Variants in OSBPL3 observed in about 807,000 individuals in gnomAD.
OSBPL3 encodes oxysterol-binding protein-related protein 3.
OSBPL3 carries 65 observed loss-of-function variants against 120.1 expected under a neutral mutation model. That is an observed-to-expected ratio of 0.54 (90% CI 0.44 to 0.67). The LOEUF is 0.67. Among genes scored for constraint, OSBPL3 ranks in the 30% least tolerant of loss-of-function variants. The pLI is 0.00. For synonymous variants in OSBPL3, 416 were observed against 402.6 expected (o/e 1.03, Z -0.40); for missense variants, 1,004 against 1,082.1 (o/e 0.93, Z 1.01).
At chr7:24,860,562 A>G (rs1278845133) in intron 10 of OSBPL3, among the ~76,000 whole-genome samples, 1 of 152,176 alleles carries the variant, frequency 6.6e-6, no homozygotes, top group Admixed American at 6.5e-5. Flanking sequence ...CATGATTGTG[A>G]GGCCTCCCCA....
At chr7:24,909,601 G>A (rs1808476383) in intron 1 of OSBPL3, among the ~76,000 whole-genome samples, 1 of 151,970 alleles carries the variant, frequency 6.6e-6, no homozygotes, top group Non-Finnish European at 1.5e-5. Flanking sequence ...AATAACATTG[G>A]CCCTAAGAAG....
chr7:24,903,904 A>G (rs1807448488), intron 1 of OSBPL3, among the ~76,000 whole-genome samples: 2 of 144,342 alleles, frequency 1.4e-5, no homozygotes, highest in Non-Finnish European at 1.5e-5. Flanking sequence ...TTTTTTTGAG[A>G]CAGACTCTCA....
rs562435861 is a variant in OSBPL3, at chr7:24,862,825, G to A, written c.870+375C>T. 5.3e-5 allele frequency among the ~76,000 whole-genome samples: 8 copies of A among 152,188 alleles called. No homozygotes were observed. In the South Asian group the frequency reaches 6.2e-4, roughly 12 times the overall value. On this transcript the variant is annotated intron_variant, in intron 9 of 22. Coordinates refer to ENST00000313367, the MANE Select transcript of OSBPL3 (RefSeq NM_015550.4). This position sits in a 1 kb window ranked among gnomAD's most constrained non-coding sequence, Gnocchi z 4.4. Reference sequence around the variant, plus strand: ...GATGACAAATCCATGGAGCATCAGCGGAAGACACAGGTCACAGCACACAGC... The same window carrying A: ...GATGACAAATCCATGGAGCATCAGCAGAAGACACAGGTCACAGCACACAGC...
At chr7:24,944,070 C>A (rs1397515505) in intron 1 of OSBPL3, among the ~76,000 whole-genome samples, 1 of 99,088 alleles carries the variant, frequency 1.0e-5, no homozygotes, top group Non-Finnish European at 2.0e-5. Context: ...ATTTTCCAGT[C>A]TAAAGTAAAA....
chr7:24,915,968 A>C (rs1809502090), intron 1 of OSBPL3, among the ~76,000 whole-genome samples: 1 of 152,224 alleles, frequency 6.6e-6, no homozygotes, highest in Non-Finnish European at 1.5e-5. Flanking sequence ...TACCCAGGGG[A>C]AATTAGAGCT....
chr7:24,900,055 G>A lies in OSBPL3; in HGVS notation c.-149-7434C>T, dbSNP rs1183319334. 1.3e-5 allele frequency among the ~76,000 whole-genome samples: 2 copies of A among 152,150 alleles called. No individual in the cohort carries two copies. Among genetic ancestry groups the A allele is most frequent in the Non-Finnish European group, 2.9e-5 (2 of 68,038 alleles). On this transcript the variant is annotated intron_variant, in intron 1 of 22. Transcript: ENST00000313367. The surrounding 1 kb of genome is among the most constrained non-coding windows in gnomAD (Gnocchi z 4.5). ...GAAGCTAAAACCCTCTTTTATTATC[G>A]TAGTCCTGTGGTTTTTAAAGAGGGG...
In OSBPL3 at chr7:24,947,778, T is replaced by TCACACACACACACA. The variant is rs56135680; in HGVS notation, c.-150+32094_-150+32107dup. On this transcript the variant is annotated intron_variant, in intron 1 of 22. Transcript: ENST00000313367. The surrounding 1 kb of genome is among the most constrained non-coding windows in gnomAD (Gnocchi z 4.4). ...ATGTATACATACATATCCAATTAAA[T>TCACACACACACACA]CACACACACACACACACACACACAC... Among the ~76,000 whole-genome samples, 108 of 148,228 alleles carry TCACACACACACACA rather than the reference T, an allele frequency of 7.3e-4. No individual in the cohort carries two copies. Among genetic ancestry groups the TCACACACACACACA allele is most frequent in the African/African-American group, 2.5e-3 (102 of 40,158 alleles).
In OSBPL3 at chr7:24,937,942, T is replaced by C. The variant is rs1294712969; in HGVS notation, c.-150+41944A>G. On this transcript the variant is annotated intron_variant, in intron 1 of 22. Transcript: ENST00000313367. The surrounding 1 kb of genome is among the most constrained non-coding windows in gnomAD (Gnocchi z 4.0). ...AATCCATGAATTAGGATGTGGACAG[T>C]GAAGGACAGAGAAGAAAACTATGGA... Among the ~76,000 whole-genome samples, 2 of 152,188 alleles carry C rather than the reference T, an allele frequency of 1.3e-5. No individual in the cohort carries two copies. Among genetic ancestry groups the C allele is most frequent in the South Asian group, 2.1e-4 (1 of 4,828 alleles).
Position 24,819,858 on chromosome 7 carries a change from T to C in OSBPL3, c.1948+317A>G, listed in dbSNP as rs1397860652. On this transcript the variant is annotated intron_variant, in intron 17 of 22. Coordinates refer to ENST00000313367, the MANE Select transcript of OSBPL3 (RefSeq NM_015550.4). The surrounding 1 kb of genome is among the most constrained non-coding windows in gnomAD (Gnocchi z 4.1). Reference sequence around the variant, plus strand: ...GTAAAACACGACTTCAGAAATAAAATTTAAGTTTGACAAAAGCTGAAAACC... The same window carrying C: ...GTAAAACACGACTTCAGAAATAAAACTTAAGTTTGACAAAAGCTGAAAACC... 1.3e-5 allele frequency among the ~76,000 whole-genome samples: 2 copies of C among 152,174 alleles called. No homozygotes were observed. Among genetic ancestry groups the C allele is most frequent in the South Asian group, 4.1e-4 (2 of 4,824 alleles).
In OSBPL3 at chr7:24,865,401, C is replaced by T; in HGVS notation, c.614G>A (p.Gly205Asp). ...TGSNVSFSCG[G>D]ETRVPLWLQS... ...TAACCATAATGGAACTCGTGTCTCA[C>T]CACCACAAGAAAATGATACATTGCT... The change falls in exon 7 of 23, where the codon GGT becomes GAT. Residue 205 changes from glycine to aspartate, a missense_variant. Physicochemically the swap from Gly to Asp is moderately conservative, Grantham distance 94 (BLOSUM62 -1). Transcript: ENST00000313367. 1 of 1,613,300 alleles carries T rather than the reference C, an allele frequency of 6.2e-7. No homozygotes were observed. The highest frequency in any genetic ancestry group is 8.5e-7 in the Non-Finnish European group (1 of 1,179,244).
At position 24,939,947 on chromosome 7, in the gene OSBPL3, T is replaced by C. The variant is rs570488128; in HGVS notation, c.-150+39939A>G. ...GCAGCAAATCACCATGGCACATGTA[T>C]ACCTATGTAACAAACCTGCATGTTC... On this transcript the variant is annotated intron_variant, in intron 1 of 22. Transcript: ENST00000313367. This position sits in a 1 kb window ranked among gnomAD's most constrained non-coding sequence, Gnocchi z 4.2. Among the ~76,000 whole-genome samples, 38 of 152,306 alleles carry C rather than the reference T, an allele frequency of 2.5e-4. No homozygotes were observed. The highest frequency in any genetic ancestry group is 9.1e-4 in the African/African-American group (38 of 41,574).
At chr7:24,921,892 G>A (rs561587135) in intron 1 of OSBPL3, among the ~76,000 whole-genome samples, 11 of 152,182 alleles carry the variant, frequency 7.2e-5, no homozygotes, top group Non-Finnish European at 1.2e-4. Flanking sequence ...TTTCAAAAAT[G>A]TATTTTGTAA....
At position 24,879,417 on chromosome 7, in the gene OSBPL3, T is replaced by C. The variant is rs1358852193; in HGVS notation, c.97-7348A>G. On this transcript the variant is annotated intron_variant, in intron 2 of 22. Transcript: ENST00000313367. The surrounding 1 kb of genome is among the most constrained non-coding windows in gnomAD (Gnocchi z 5.6). ...CCCGCCACCGTCACCATCCCTTCTT[T>C]CCCTTCACACACAGATGTAGCTCTC... Among the ~76,000 whole-genome samples the C allele has an allele frequency of 6.6e-6, 1 of 152,132 alleles. No individual in the cohort carries two copies. The highest frequency in any genetic ancestry group is 1.9e-4 in the East Asian group (1 of 5,200).
At position 24,849,517 on chromosome 7, in the gene OSBPL3, A is replaced by G. The variant is rs1237669807; in HGVS notation, c.1159-341T>C. On this transcript the variant is annotated intron_variant, in intron 11 of 22. Transcript: ENST00000313367. This position sits in a 1 kb window ranked among gnomAD's most constrained non-coding sequence, Gnocchi z 5.4. ...CCACAGCATCTCCTCCTCCTCCCCA[A>G]CTGTCTGGAGTCTCTTTGGCCAAAT... Among the ~76,000 whole-genome samples the G allele has an allele frequency of 2.0e-5, 3 of 152,072 alleles. No homozygotes were observed. The highest frequency in any genetic ancestry group is 2.9e-5 in the Non-Finnish European group (2 of 67,998).
At chr7:24,841,798 G>T (rs1308127494) in intron 13 of OSBPL3, among the ~76,000 whole-genome samples, 3 of 151,324 alleles carry the variant, frequency 2.0e-5, no homozygotes, top group Admixed American at 1.3e-4. Flanking sequence ...CTGAAGTCAG[G>T]AGTACGAGTT....
At chr7:24,887,369 T>G (rs1314038883) in intron 2 of OSBPL3, among the ~76,000 whole-genome samples, 2 of 152,152 alleles carry the variant, frequency 1.3e-5, no homozygotes, top group Admixed American at 6.5e-5. Context: ...AAGAACCAAT[T>G]CTGTAGAGTG....
intron 19 of OSBPL3, among the ~76,000 whole-genome samples, chr7:24,814,369 G>A (rs376120119): frequency 1.7e-4 from 26 of 151,960 alleles, no homozygotes; most frequent in African/African-American, 6.3e-4. Context: ...TGCAGCGCCC[G>A]ACAGGCCACC....
chr7:24,903,394 T>TAGTA (rs1807357562), intron 1 of OSBPL3, among the ~76,000 whole-genome samples: 1 of 152,244 alleles, frequency 6.6e-6, no homozygotes, highest in Non-Finnish European at 1.5e-5. Context: ...TGCTTACTAC[T>TAGTA]AGCCTTTTGA....
intron 20 of OSBPL3, among the ~76,000 whole-genome samples, chr7:24,807,823 A>C (rs1445491358): frequency 6.6e-6 from 1 of 152,188 alleles, no homozygotes; most frequent in Non-Finnish European, 1.5e-5. Context: ...TCCAATGTAG[A>C]CTACTAAGAT....
Sources: gnomAD v4.1 joint callset for allele counts (sites outside exome capture counted in the v4.1 genomes callset) on GRCh38, gnomAD v4.1.1 for gene constraint, Gnocchi (gnomAD v3.1) non-coding constraint, MANE v1.5 for transcripts, NCBI Gene and HGNC (gene_info 2026-07-23, HGNC 2026-07-21) for gene names.